STAM2: variants seen among roughly 807,000 people sequenced by gnomAD.
STAM2 encodes signal transducing adapter molecule 2.
In STAM2, 51 loss-of-function variants were observed where a neutral mutation model predicts 65.6. That is an observed-to-expected ratio of 0.78 (90% CI 0.62 to 0.98). The LOEUF (loss-of-function observed/expected upper bound fraction) is 0.98, where lower values mean the gene tolerates loss of function less well. Among genes scored for constraint, STAM2 ranks in the 50% least tolerant of loss-of-function variants. The pLI is 0.00. For synonymous variants in STAM2, 198 were observed against 208.4 expected, an observed-to-expected ratio of 0.95 and a Z score of 0.43; for missense variants, 584 against 617.8, an observed-to-expected ratio of 0.95 and a Z score of 0.58.
At chr2:152,172,862 C>CAAAAAA (rs1400288847) in intron 1 of STAM2, among the ~76,000 whole-genome samples, 1 of 62,440 alleles carries the variant, frequency 1.6e-5, no homozygotes. Flanking sequence ...AGATTCGTCT[C>CAAAAAA]AAAAAAAAAA....
At chr2:152,174,847 A>G (rs1384875283) in intron 1 of STAM2, among the ~76,000 whole-genome samples, 1 of 152,200 alleles carries the variant, frequency 6.6e-6, no homozygotes, top group Non-Finnish European at 1.5e-5. Context: ...AGTTTGTTTT[A>G]GTGTTACTCA....
At chr2:152,156,505 A>C (rs937508111) in intron 1 of STAM2, among the ~76,000 whole-genome samples, 9 of 152,196 alleles carry the variant, frequency 5.9e-5, no homozygotes, top group Non-Finnish European at 1.3e-4. Flanking sequence ...AGAAAATTAA[A>C]AGAGCCCTCC....
At chr2:152,173,974 G>A (rs1689958170) in intron 1 of STAM2, among the ~76,000 whole-genome samples, 1 of 152,100 alleles carries the variant, frequency 6.6e-6, no homozygotes, top group South Asian at 2.1e-4. Context: ...AAATAATCTA[G>A]ACACAGTTTT....
intron 1 of STAM2, among the ~76,000 whole-genome samples, chr2:152,174,948 A>C (rs1282421946): frequency 4.6e-5 from 7 of 152,174 alleles, no homozygotes. Flanking sequence ...GCAACATGTA[A>C]AATACTTGTT....
chr2:152,146,098 C>G (rs991378526), intron 5 of STAM2, among the ~76,000 whole-genome samples: 2 of 151,630 alleles, frequency 1.3e-5, no homozygotes, highest in East Asian at 3.9e-4. Flanking sequence ...GGTGAAACCC[C>G]GTCTCTACTA....
intron 1 of STAM2, among the ~76,000 whole-genome samples, chr2:152,174,227 GTCTAAT>G (rs1460499256): frequency 1.3e-5 from 2 of 152,140 alleles, no homozygotes; most frequent in African/African-American, 4.8e-5. Context: ...AAAATCATTT[GTCTAAT>G]TCTATTTTGC....
At chr2:152,147,922 A>G in intron 4 of STAM2, 102 bp downstream of exon 4, 1 of 885,366 alleles carries the variant, frequency 1.1e-6, no homozygotes, top group Non-Finnish European at 1.7e-6. Flanking sequence ...TGATCTAAAA[A>G]TGACTTCATT....
intron 1 of STAM2, among the ~76,000 whole-genome samples, chr2:152,151,170 C>T (rs1689437889): frequency 6.7e-6 from 1 of 148,462 alleles, no homozygotes; most frequent in Non-Finnish European, 1.5e-5. Flanking sequence ...ATAATATTTA[C>T]ATGAGTTCTT....
chr2:152,143,683 T>A (rs1689289575), intron 7 of STAM2, 144 bp downstream of exon 7: 1 of 529,616 alleles, frequency 1.9e-6, no homozygotes, highest in South Asian at 4.3e-5. Flanking sequence ...TCACATTACA[T>A]GCCTAACTTT....
intron 1 of STAM2, among the ~76,000 whole-genome samples, chr2:152,170,273 A>T (rs1005761614): frequency 6.6e-6 from 1 of 150,614 alleles, no homozygotes; most frequent in African/African-American, 2.4e-5. Flanking sequence ...CGAGGTCAGG[A>T]GTTCGAGACC....
At position 152,120,491 on chromosome 2, in the gene STAM2, A is replaced by G; in HGVS notation, c.*83T>C. ...TGGTCCTTTTGAGTTGAGAGGGAAAAAAGTTTTAATATTTTCAGGTTGGTA... is the reference window on the plus strand; with the variant it reads ...TGGTCCTTTTGAGTTGAGAGGGAAAGAAGTTTTAATATTTTCAGGTTGGTA... On this transcript the variant is annotated 3_prime_UTR_variant, in exon 14 of 14. Coordinates refer to ENST00000263904, the MANE Select transcript of STAM2 (RefSeq NM_005843.6). The G allele has an allele frequency of 8.1e-7, 1 of 1,236,588 alleles. No individual in the cohort carries two copies. Among genetic ancestry groups the G allele is most frequent in the Non-Finnish European group, 1.2e-6 (1 of 867,272 alleles). 76.6% of individuals were successfully genotyped at this position (1,236,588 alleles called of 1,614,324 possible). A position where few individuals can be genotyped will look rare whatever the true frequency, so the allele number is the denominator to read the frequency against.
At chr2:152,126,568 T>C (rs1422227174) in intron 11 of STAM2, among the ~76,000 whole-genome samples, 189 bp from the exon 12 acceptor site, 2 of 152,152 alleles carry the variant, frequency 1.3e-5, no homozygotes, top group South Asian at 2.1e-4. Context: ...GCTAGGCTGA[T>C]ATTGAGGCAG....
intron 7 of STAM2, among the ~76,000 whole-genome samples, chr2:152,138,968 C>G (rs367949502): frequency 6.6e-5 from 10 of 152,272 alleles, no homozygotes; most frequent in African/African-American, 2.2e-4. Context: ...TAATTTTCCT[C>G]CCAGCCACTA....
chr2:152,141,952 C>CTG (rs987754035), intron 7 of STAM2, among the ~76,000 whole-genome samples: 1 of 151,822 alleles, frequency 6.6e-6, no homozygotes, highest in Non-Finnish European at 1.5e-5. Context: ...CAAGGGACTT[C>CTG]TGTGTGTGAA....
intron 1 of STAM2, among the ~76,000 whole-genome samples, chr2:152,154,875 T>TA (rs544990847): frequency 3.8e-4 from 58 of 152,272 alleles, no homozygotes; most frequent in Middle Eastern, 3.4e-3. Context: ...CAAAACAAGC[T>TA]AGAGAAAAGT....
At chr2:152,141,890 G>A (rs910863445) in intron 7 of STAM2, among the ~76,000 whole-genome samples, 4 of 152,102 alleles carry the variant, frequency 2.6e-5, no homozygotes, top group Admixed American at 2.6e-4. Flanking sequence ...CGCCCTGCCA[G>A]CTCCATGGTT....
chr2:152,173,130 T>C (rs1411339448), intron 1 of STAM2, among the ~76,000 whole-genome samples: 1 of 151,148 alleles, frequency 6.6e-6, no homozygotes, highest in Non-Finnish European at 1.5e-5. Context: ...TCATTTTGTG[T>C]CCATAGATTA....
intron 1 of STAM2, among the ~76,000 whole-genome samples, chr2:152,160,854 GC>G: frequency 7.2e-6 from 1 of 138,748 alleles, no homozygotes. Flanking sequence ...CCGGCCAGCC[GC>G]CCCGTCCGGG....
At chr2:152,151,230 G>A (rs1439712033) in intron 1 of STAM2, among the ~76,000 whole-genome samples, 2 of 144,980 alleles carry the variant, frequency 1.4e-5, no homozygotes, top group East Asian at 2.0e-4. Context: ...CAGGCTGGCT[G>A]GAGTGCAATG....
Sources: gnomAD v4.1 joint callset for allele counts (sites outside exome capture counted in the v4.1 genomes callset) on GRCh38, gnomAD v4.1.1 for gene constraint, MANE v1.5 for transcripts, NCBI Gene and HGNC (gene_info 2026-07-23, HGNC 2026-07-21) for gene names.